NKD2: variants seen among roughly 807,000 people sequenced by gnomAD.
NKD2 encodes protein naked cuticle homolog 2.
NKD2 carries 43 observed loss-of-function variants against 34.8 expected under a neutral mutation model. The observed-to-expected ratio is 1.24, with a 90% CI of 0.97 to 1.60. NKD2 has a LOEUF of 1.60. NKD2 is among the 40% of genes most tolerant of loss of function. The probability of loss-of-function intolerance (pLI) is 0.00; values close to 1 mark genes in which losing one functional copy is unlikely to be tolerated. For missense variants in NKD2, 675 were observed against 627.1 expected (o/e 1.08, Z -0.82); for synonymous variants, 278 against 265.1 (o/e 1.05, Z -0.47).
chr5:1,013,947 G>T (rs1044442235), intron 3 of NKD2, among the ~76,000 whole-genome samples: 1 of 152,200 alleles, frequency 6.6e-6, no homozygotes, highest in African/African-American at 2.4e-5. Flanking sequence ...AGCACAGAGC[G>T]TCCCTGCCAC....
chr5:1,016,125 C>T (rs571542520), intron 3 of NKD2, among the ~76,000 whole-genome samples: 52 of 152,348 alleles, frequency 3.4e-4, no homozygotes, highest in African/African-American at 1.3e-3. Context: ...ACTTCCCCAG[C>T]GTGGGGCGGA....
At chr5:1,029,232 G>A (rs906955087) in intron 3 of NKD2, among the ~76,000 whole-genome samples, 1 of 152,176 alleles carries the variant, frequency 6.6e-6, no homozygotes. Flanking sequence ...CTGTGCGTTC[G>A]AGCGCTGAGA....
chr5:1,033,929 C>CG (rs1449565272), intron 5 of NKD2, among the ~76,000 whole-genome samples: 3 of 152,236 alleles, frequency 2.0e-5, no homozygotes, highest in Non-Finnish European at 2.9e-5. Context: ...CAACACTTGA[C>CG]GGCCAGTGTG....
intron 3 of NKD2, among the ~76,000 whole-genome samples, chr5:1,022,208 C>T (rs1240165557): frequency 2.6e-5 from 4 of 151,988 alleles, no homozygotes; most frequent in Non-Finnish European, 5.9e-5. Flanking sequence ...GCTCTTCCCA[C>T]CCGCTGTGGG....
intron 3 of NKD2, among the ~76,000 whole-genome samples, chr5:1,012,396 G>A (rs1190346570): frequency 6.6e-6 from 1 of 152,196 alleles, no homozygotes; most frequent in Non-Finnish European, 1.5e-5. Flanking sequence ...GAGGCAGCAG[G>A]CACGGCTCTG....
rs1435452952 is a variant in NKD2, at chr5:1,035,472, A to C, written c.658A>C (p.Arg220=). ...VADRRLSAHV[R]RPSTDPQPCS... ...TGACAGGAGGTTGTCTGCACACGTC[A>C]GGTGAGGGCTGGGGTGCCAGGGTGG... Residue 220 remains arginine, a splice_region_variant and synonymous_variant, in exon 8 of 10, where the codon AGG becomes CGG. Transcript: ENST00000296849. 1.9e-6 allele frequency: 3 copies of C among 1,552,796 alleles called. No homozygotes were observed. The highest frequency in any genetic ancestry group is 2.6e-6 in the Non-Finnish European group (3 of 1,147,974).
chr5:1,013,992 G>A (rs767608078), intron 3 of NKD2, among the ~76,000 whole-genome samples: 2 of 152,230 alleles, frequency 1.3e-5, no homozygotes, highest in African/African-American at 4.8e-5. Context: ...TTTCACAGAC[G>A]AGGCCATCTG....
intron 4 of NKD2, 109 bp downstream of exon 4, chr5:1,032,321 A>C (rs535904904): frequency 1.4e-5 from 12 of 841,198 alleles, no homozygotes; most frequent in Non-Finnish European, 2.4e-5. Context: ...GAGCGAGGGC[A>C]CTTCCCAGGC....
intron 3 of NKD2, among the ~76,000 whole-genome samples, chr5:1,010,588 G>T (rs562782995): frequency 6.6e-6 from 1 of 152,302 alleles, no homozygotes; most frequent in Admixed American, 6.5e-5. Flanking sequence ...CGCCTGTGAT[G>T]GTGGGAAGCA....
At chr5:1,022,977 C>A in intron 3 of NKD2, among the ~76,000 whole-genome samples, 1 of 14,238 alleles carries the variant, frequency 7.0e-5, no homozygotes, top group African/African-American at 7.9e-5. Flanking sequence ...AGCCCGTTGT[C>A]CCTGCTCTTC....
chr5:1,035,487 T>C lies in NKD2; in HGVS notation c.659+14T>C, dbSNP rs73026754. 0.074 allele frequency: 114,233 copies of C among 1,547,994 alleles called. 5,962 individuals carry two copies. Among genetic ancestry groups the C allele is most frequent in the African/African-American group, 0.23 (16,814 of 73,000 alleles). ...TGCACACGTCAGGTGAGGGCTGGGG[T>C]GCCAGGGTGGGGCTGTGCCTTAGGC... On this transcript the variant is annotated intron_variant, in intron 8 of 9. Coordinates refer to ENST00000296849, the MANE Select transcript of NKD2 (RefSeq NM_033120.4).
intron 3 of NKD2, among the ~76,000 whole-genome samples, chr5:1,018,705 C>T (rs1487832492): frequency 6.6e-6 from 1 of 152,164 alleles, no homozygotes; most frequent in African/African-American, 2.4e-5. Flanking sequence ...ACAGAGGTGG[C>T]CTGGATGCTT....
chr5:1,018,796 T>C (rs1156666626), intron 3 of NKD2, among the ~76,000 whole-genome samples: 1 of 152,070 alleles, frequency 6.6e-6, no homozygotes, highest in Non-Finnish European at 1.5e-5. Context: ...GCCAACCACC[T>C]AGCTGTGCCC....
intron 3 of NKD2, among the ~76,000 whole-genome samples, chr5:1,013,419 C>T (rs551138449): frequency 5.3e-4 from 80 of 152,276 alleles, no homozygotes; most frequent in Admixed American, 8.5e-4. Flanking sequence ...AGCCATGTGG[C>T]GAGGCCAGCA....
intron 3 of NKD2, among the ~76,000 whole-genome samples, chr5:1,015,074 G>A (rs1286336953): frequency 6.6e-6 from 1 of 152,238 alleles, no homozygotes; most frequent in African/African-American, 2.4e-5. Context: ...AGGCCAGGCA[G>A]CGAGGGCCAC....
intron 3 of NKD2, among the ~76,000 whole-genome samples, chr5:1,010,280 T>C (rs1755700559): frequency 6.6e-6 from 1 of 152,180 alleles, no homozygotes; most frequent in South Asian, 2.1e-4. Context: ...TAACATTTGA[T>C]GGTCATCAGT....
intron 3 of NKD2, among the ~76,000 whole-genome samples, chr5:1,030,173 A>G (rs746016835): frequency 2.6e-5 from 4 of 152,056 alleles, no homozygotes; most frequent in Admixed American, 6.6e-5. Context: ...TCCCCTCCCT[A>G]CCAGCCCTCC....
At position 1,033,497 on chromosome 5, in the gene NKD2, G is replaced by T. The variant is rs769274138; in HGVS notation, c.328G>T (p.Asp110Tyr). ...RGPGGQRLNI[D>Y]ALQCDVSVEE... ...ACCGGGCGGGCAGCGCCTCAACATT[G>T]ACGTGGGTCTCTCTCCGGCCTCACT... Residue 110 changes from aspartate (D) to tyrosine (Y), a missense_variant and splice_region_variant, in exon 5 of 10, where the codon GAC becomes TAC. Coordinates refer to ENST00000296849, the MANE Select transcript of NKD2 (RefSeq NM_033120.4). The T allele has an allele frequency of 1.1e-5, 17 of 1,548,436 alleles. No individual in the cohort carries two copies. The highest frequency in any genetic ancestry group is 1.1e-4 in the South Asian group (9 of 83,924).
chr5:1,032,901 A>G (rs10040568), intron 4 of NKD2, among the ~76,000 whole-genome samples: 75,931 of 152,080 alleles, frequency 0.5, 19,166 homozygotes, highest in East Asian at 0.64. Context: ...AAACCAGAGG[A>G]CTGTTCATCC....
Sources: gnomAD v4.1 joint callset for allele counts (sites outside exome capture counted in the v4.1 genomes callset) on GRCh38, gnomAD v4.1.1 for gene constraint, MANE v1.5 for transcripts, NCBI Gene and HGNC (gene_info 2026-07-23, HGNC 2026-07-21) for gene names.